Variants in LDB3 observed in about 807,000 individuals in gnomAD.
LDB3 encodes the protein LIM domain-binding protein 3.
In LDB3, 49 loss-of-function variants were observed where a neutral mutation model predicts 69.0. The ratio of observed to expected loss-of-function variants is 0.71; its 90% CI spans 0.56 to 0.90. The LOEUF is 0.90. LDB3 is among the 40% of genes least tolerant of loss of function. The pLI, the probability that LDB3 is intolerant of heterozygous loss-of-function variation, is 0.00. For missense variants in LDB3, 928 were observed against 974.1 expected (o/e 0.95, Z 0.63); for synonymous variants, 387 against 396.2 (o/e 0.98, Z 0.28).
At chr10:86,669,033 T>C (rs1219399969) in intron 2 of LDB3, among the ~76,000 whole-genome samples, 1 of 136,426 alleles carries the variant, frequency 7.3e-6, no homozygotes, top group Admixed American at 7.4e-5. Context: ...AAATGCTGAG[T>C]TTTCAGGCAG....
intron 7 of LDB3, among the ~76,000 whole-genome samples, chr10:86,706,070 C>T (rs1287814437): frequency 2.6e-5 from 4 of 152,292 alleles, no homozygotes; most frequent in Middle Eastern, 3.4e-3. Context: ...GAGCCTAAGC[C>T]CTTGACACTC....
chr10:86,700,020 C>A, intron 7 of LDB3: 1 of 986,584 alleles, frequency 1.0e-6, no homozygotes, highest in Non-Finnish European at 1.2e-6. Flanking sequence ...CATGCTTGTT[C>A]TGAAATAAAG....
At position 86,716,762 on chromosome 10, in the gene LDB3, A is replaced by G. The variant is rs372583830; in HGVS notation, c.1667A>G (p.Asn556Ser). ...SRTPLCGHCNNVIRGPFLVAM... is the reference protein window; with the variant it reads ...SRTPLCGHCNSVIRGPFLVAM... ...ACTCCACTCTGCGGTCACTGCAACA[A>G]TGTCATCCGGTATGGTCCAGCTGTG... Residue 556 changes from asparagine to serine, a missense_variant, in exon 10 of 14, where the codon AAT becomes AGT. By Grantham distance (46) the Asn-to-Ser change is conservative. Coordinates refer to ENST00000361373, the MANE Select transcript of LDB3 (RefSeq NM_007078.3). 12 of 1,608,898 alleles carry G rather than the reference A, an allele frequency of 7.5e-6. No homozygotes were observed. In the African/African-American group the frequency reaches 1.3e-4, roughly 18 times the overall value.
intron 7 of LDB3, among the ~76,000 whole-genome samples, chr10:86,695,281 C>T (rs747004519): frequency 6.6e-6 from 1 of 152,210 alleles, no homozygotes; most frequent in Non-Finnish European, 1.5e-5. Flanking sequence ...TGCAAACTTT[C>T]CCTTCACCTC....
At chr10:86,690,072 T>A (rs536433899) in intron 5 of LDB3, among the ~76,000 whole-genome samples, 16 of 152,306 alleles carry the variant, frequency 1.1e-4, no homozygotes, top group Admixed American at 1.0e-3. Context: ...CTTGAACCCT[T>A]GGAGCCAAGA....
chr10:86,672,441 G>A (rs10788522), intron 2 of LDB3, among the ~76,000 whole-genome samples: 40,102 of 152,234 alleles, frequency 0.26, 5,859 homozygotes, highest in South Asian at 0.42. Context: ...GGAGAGGAAG[G>A]GGGACAGGCT....
intron 8 of LDB3, among the ~76,000 whole-genome samples, chr10:86,707,982 G>A (rs893088280): frequency 2.6e-5 from 4 of 152,258 alleles, no homozygotes; most frequent in Admixed American, 6.5e-5. Flanking sequence ...CTGTTTTTGA[G>A]TGGGAAGAAG....
At chr10:86,697,290 C>G (rs1260112533) in intron 7 of LDB3, among the ~76,000 whole-genome samples, 1 of 137,374 alleles carries the variant, frequency 7.3e-6, no homozygotes, top group African/African-American at 2.8e-5. Context: ...GGCGCGATCT[C>G]GGCTTACTGC....
chr10:86,666,969 G>A (rs75355233), upstream of LDB3: 2,575 of 414,342 alleles, frequency 6.2e-3, 56 homozygotes, highest in South Asian at 0.037. Flanking sequence ...CTAGGAAAGG[G>A]CATAAGGCTG....
chr10:86,699,985 T>C lies in LDB3; in HGVS notation c.897-6546T>C. 2.0e-6 allele frequency: 2 copies of C among 992,608 alleles called. No homozygotes were observed. Among genetic ancestry groups the C allele is most frequent in the Non-Finnish European group, 2.4e-6 (2 of 833,806 alleles). The allele number at this position is 992,608 out of a possible 1,614,324, so 61.5% of individuals were successfully genotyped here. A position where few individuals can be genotyped will look rare whatever the true frequency, so the allele number is the denominator to read the frequency against. ...TTCTGTACCGTGTGTGCTGGCTCCA[T>C]AGTTCTCTCTTCTGTACATATAAGC... On this transcript the variant is annotated intron_variant, in intron 7 of 13. Coordinates refer to ENST00000361373, the MANE Select transcript of LDB3 (RefSeq NM_007078.3). The surrounding 1 kb of genome is among the most constrained non-coding windows in gnomAD (Gnocchi z 4.9).
chr10:86,695,255 C>T (rs986489089), intron 7 of LDB3, among the ~76,000 whole-genome samples: 3 of 152,258 alleles, frequency 2.0e-5, no homozygotes, highest in African/African-American at 7.2e-5. Flanking sequence ...TGTGAATACA[C>T]ATGTCAAGAA....
At chr10:86,725,373 G>A (rs984251606) in intron 12 of LDB3, among the ~76,000 whole-genome samples, 1 of 152,166 alleles carries the variant, frequency 6.6e-6, no homozygotes, top group African/African-American at 2.4e-5. Context: ...TTCAATTTCT[G>A]AGGGATTTTG....
chr10:86,700,972 C>T (rs1846237776), intron 7 of LDB3, among the ~76,000 whole-genome samples: 1 of 152,250 alleles, frequency 6.6e-6, no homozygotes, highest in Admixed American at 6.5e-5. Context: ...GAGCTCTGCG[C>T]CCATTCCTGC....
chr10:86,719,026 T>C (rs376918174), intron 12 of LDB3, among the ~76,000 whole-genome samples, 179 bp downstream of exon 12: 4 of 152,308 alleles, frequency 2.6e-5, no homozygotes, highest in African/African-American at 9.6e-5. Flanking sequence ...ACAAAGGAAG[T>C]TAACTATCTC....
At chr10:86,679,297 T>TC in intron 2 of LDB3, 70 bp from the exon 3 acceptor site, 1 of 1,585,120 alleles carries the variant, frequency 6.3e-7, no homozygotes, top group East Asian at 2.2e-5. Flanking sequence ...GGGTGACTCT[T>TC]CCCCAAGGAC....
chr10:86,676,045 G>A (rs1844774244), intron 2 of LDB3, among the ~76,000 whole-genome samples: 1 of 152,202 alleles, frequency 6.6e-6, no homozygotes, highest in African/African-American at 2.4e-5. Context: ...CATTAATAGA[G>A]GCTATGGCAA....
chr10:86,670,636 T>G (rs906027266), intron 2 of LDB3, among the ~76,000 whole-genome samples: 2 of 152,178 alleles, frequency 1.3e-5, no homozygotes, highest in Non-Finnish European at 2.9e-5. Context: ...TTAAGCTAGA[T>G]AGCAGGAGGA....
intron 2 of LDB3, among the ~76,000 whole-genome samples, chr10:86,676,903 G>A (rs984812177): frequency 3.3e-5 from 5 of 152,242 alleles, no homozygotes; most frequent in African/African-American, 1.2e-4. Flanking sequence ...CCCAGGCTTG[G>A]CACCTGGGGC....
chr10:86,707,993 C>T (rs111404521), intron 8 of LDB3, among the ~76,000 whole-genome samples: 2 of 152,374 alleles, frequency 1.3e-5, no homozygotes, highest in African/African-American at 4.8e-5. Flanking sequence ...TGGGAAGAAG[C>T]CTCCCAATAT....
Sources: allele counts gnomAD v4.1 joint callset (sites outside exome capture counted in the v4.1 genomes callset), GRCh38; gene constraint gnomAD v4.1.1; non-coding constraint Gnocchi (gnomAD v3.1); transcripts MANE v1.5; gene names NCBI Gene and HGNC (gene_info 2026-07-23, HGNC 2026-07-21).